The following NRXN1 variants were observed in gnomAD, a reference collection of about 807,000 sequenced individuals.
NRXN1 encodes the protein neurexin 1, also known as neurexin-1.
Under a neutral mutation model 150.9 loss-of-function variants are expected in NRXN1, and 39 were observed. The ratio of observed to expected loss-of-function variants is 0.26; its 90% CI spans 0.20 to 0.34. The LOEUF (loss-of-function observed/expected upper bound fraction) is 0.34. Ranked by LOEUF, NRXN1 falls within the 10% of genes least tolerant of loss-of-function variation. The pLI is 1.00. For missense variants in NRXN1, 1,815 were observed against 1,949.9 expected (o/e 0.93, Z 1.30); for synonymous variants, 924 against 757.0 (o/e 1.22, Z -3.62).
At chr2:50,225,626 C>G (rs1179831448) in intron 18 of NRXN1, among the ~76,000 whole-genome samples, 3 of 151,646 alleles carry the variant, frequency 2.0e-5, no homozygotes, top group Admixed American at 6.6e-5. Context: ...AAGCACCAGA[C>G]TAGGAAAAAG....
At chr2:49,989,653 G>C (rs1479136303) in intron 21 of NRXN1, among the ~76,000 whole-genome samples, 1 of 152,116 alleles carries the variant, frequency 6.6e-6, no homozygotes, top group Admixed American at 6.5e-5. Flanking sequence ...TCTGGGGAGG[G>C]TTTAAGAAAA....
At chr2:50,523,269 T>C (rs1442416665) in intron 12 of NRXN1, among the ~76,000 whole-genome samples, 1 of 152,204 alleles carries the variant, frequency 6.6e-6, no homozygotes, top group Non-Finnish European at 1.5e-5. Flanking sequence ...TCTTTATTTA[T>C]ACTTTGAACT....
intron 8 of NRXN1, among the ~76,000 whole-genome samples, chr2:50,613,915 G>A (rs909121537): frequency 4.6e-5 from 7 of 152,132 alleles, no homozygotes; most frequent in Non-Finnish European, 2.9e-5. Flanking sequence ...TCCAGCCTGG[G>A]TTCATATAAG....
At chr2:50,762,439 A>C (rs1230847059) in intron 5 of NRXN1, among the ~76,000 whole-genome samples, 1 of 151,848 alleles carries the variant, frequency 6.6e-6, no homozygotes, top group East Asian at 2.0e-4. Context: ...CCTGTCACTC[A>C]GGTAGTAAGC....
chr2:51,021,259 T>C (rs1669565221), intron 2 of NRXN1, among the ~76,000 whole-genome samples: 1 of 152,030 alleles, frequency 6.6e-6, no homozygotes, highest in Non-Finnish European at 1.5e-5. Flanking sequence ...TTATTAACCC[T>C]GTAATAAAAT....
intron 2 of NRXN1, among the ~76,000 whole-genome samples, chr2:50,978,271 CATATATATATATATATATAT>C (rs10671122): frequency 2.2e-4 from 21 of 95,020 alleles, no homozygotes; most frequent in African/African-American, 3.2e-4. Flanking sequence ...GGATATTATA[CATATATATATATATATATAT>C]ATATATATAT....
intron 19 of NRXN1, among the ~76,000 whole-genome samples, chr2:50,080,347 T>C (rs1697769552): frequency 6.6e-6 from 1 of 152,162 alleles, no homozygotes; most frequent in African/African-American, 2.4e-5. Context: ...CATAGGGATA[T>C]ATGTATAGGG....
chr2:50,280,507 G>C (rs1308520502), intron 17 of NRXN1, among the ~76,000 whole-genome samples: 3 of 151,998 alleles, frequency 2.0e-5, no homozygotes, highest in Admixed American at 2.0e-4. Context: ...GCTGGGGTTG[G>C]AATCCCAGCT....
intron 5 of NRXN1, among the ~76,000 whole-genome samples, chr2:50,718,747 G>GA (rs1422778480): frequency 6.6e-6 from 1 of 152,018 alleles, no homozygotes; most frequent in Non-Finnish European, 1.5e-5. Flanking sequence ...GCGTGTGTGT[G>GA]AAATAAAAAT....
intron 21 of NRXN1, among the ~76,000 whole-genome samples, chr2:50,009,516 T>C (rs1267962886): frequency 6.6e-6 from 1 of 152,198 alleles, no homozygotes; most frequent in East Asian, 1.9e-4. Flanking sequence ...GGCTTTCATA[T>C]GAATTCCCTG....
At chr2:50,575,580 A>G (rs1430080218) in intron 8 of NRXN1, among the ~76,000 whole-genome samples, 1 of 152,216 alleles carries the variant, frequency 6.6e-6, no homozygotes, top group Non-Finnish European at 1.5e-5. Flanking sequence ...TATTAGATAA[A>G]AGGATGGAGT....
At position 49,959,353 on chromosome 2, in the gene NRXN1, G is replaced by A. The variant is rs564502595; in HGVS notation, c.4129-15562C>T. 5.9e-5 allele frequency among the ~76,000 whole-genome samples: 9 copies of A among 152,286 alleles called. No individual in the cohort carries two copies. In the East Asian group the frequency reaches 1.4e-3, roughly 23 times the overall value. On this transcript the variant is annotated intron_variant, in intron 21 of 22. Coordinates refer to ENST00000401669, the MANE Select transcript of NRXN1 (RefSeq NM_001330078.2). ...AAGGTACACTGGTTTATATTTTTAC[G>A]TAGAACCTGATGCAGCCATGCAGGC...
At chr2:50,443,217 G>A (rs139131135) in intron 17 of NRXN1, among the ~76,000 whole-genome samples, 5 of 152,126 alleles carry the variant, frequency 3.3e-5, no homozygotes, top group Non-Finnish European at 7.4e-5. Context: ...CAATTCAAGG[G>A]GGGGAGAGAA....
chr2:49,960,699 C>T (rs767898094), intron 21 of NRXN1, among the ~76,000 whole-genome samples: 2 of 152,070 alleles, frequency 1.3e-5, no homozygotes, highest in Non-Finnish European at 1.5e-5. Flanking sequence ...CACCACCCTC[C>T]CCAGAAAAAG....
chr2:50,722,569 T>C (rs1323239536), intron 5 of NRXN1, among the ~76,000 whole-genome samples: 1 of 152,170 alleles, frequency 6.6e-6, no homozygotes, highest in Non-Finnish European at 1.5e-5. Context: ...AAAAATATAT[T>C]GGAAGAGTGA....
At chr2:49,980,518 G>A (rs1679823441) in intron 21 of NRXN1, among the ~76,000 whole-genome samples, 1 of 152,152 alleles carries the variant, frequency 6.6e-6, no homozygotes, top group Non-Finnish European at 1.5e-5. Flanking sequence ...TCACAGCAGA[G>A]AGGAAAAATG....
At position 51,013,901 on chromosome 2, in the gene NRXN1, C is replaced by T. The variant is rs141479415; in HGVS notation, c.772+13601G>A. 6.1e-4 allele frequency among the ~76,000 whole-genome samples: 93 copies of T among 152,142 alleles called. 2 individuals carry two copies. The highest frequency in any genetic ancestry group is 2.1e-3 in the African/African-American group (89 of 41,552). ...AAATTCTTTTTTCTGTTTGTCAGCT[C>T]ATATTTTTCTGTCCTACTTTTCCTG... On this transcript the variant is annotated intron_variant, in intron 2 of 22. Coordinates refer to ENST00000401669, the MANE Select transcript of NRXN1 (RefSeq NM_001330078.2).
At chr2:50,690,773 C>G (rs1180942789) in intron 5 of NRXN1, among the ~76,000 whole-genome samples, 1 of 152,050 alleles carries the variant, frequency 6.6e-6, no homozygotes, top group Non-Finnish European at 1.5e-5. Context: ...TGACACAAGC[C>G]AAAGAAGATA....
At chr2:50,091,143 A>C (rs1334792658) in intron 19 of NRXN1, among the ~76,000 whole-genome samples, 180 bp downstream of exon 19, 1 of 152,224 alleles carries the variant, frequency 6.6e-6, no homozygotes, top group Non-Finnish European at 1.5e-5. Flanking sequence ...ATAAAATGGC[A>C]TTTGTACACT....
Sources: allele counts gnomAD v4.1 joint callset (sites outside exome capture counted in the v4.1 genomes callset), GRCh38; gene constraint gnomAD v4.1.1; transcripts MANE v1.5; gene names NCBI Gene and HGNC (gene_info 2026-07-23, HGNC 2026-07-21).